The following RBFOX1 variants were observed in gnomAD, a reference collection of about 807,000 sequenced individuals.
RBFOX1 encodes the protein RNA binding protein fox-1 homolog 1.
In RBFOX1, 8 loss-of-function variants were observed where a neutral mutation model predicts 57.7. The observed-to-expected ratio is 0.14, with a 90% confidence interval of 0.08 to 0.25. The LOEUF (loss-of-function observed/expected upper bound fraction) is 0.25, where lower values mean the gene tolerates loss of function less well. RBFOX1 is among the 10% of genes least tolerant of loss of function. The pLI is 1.00. For synonymous variants in RBFOX1, 326 were observed against 222.4 expected (o/e 1.47, Z -4.15); for missense variants, 611 against 548.5 (o/e 1.11, Z -1.14).
chr16:5,814,621 C>A (rs2055556533), intron 3 of RBFOX1, among the ~76,000 whole-genome samples: 1 of 152,326 alleles, frequency 6.6e-6, no homozygotes, highest in African/African-American at 2.4e-5. Context: ...TATCCTGCCA[C>A]CTGGCCATTT....
intron 4 of RBFOX1, among the ~76,000 whole-genome samples, chr16:7,220,177 G>A (rs898572770): frequency 6.6e-6 from 1 of 152,138 alleles, no homozygotes; most frequent in Non-Finnish European, 1.5e-5. Context: ...CATGACAAAA[G>A]TGCAGGAGGA....
At chr16:6,575,890 TAAATAAAG>T (rs1292260016) in intron 2 of RBFOX1, among the ~76,000 whole-genome samples, 7 of 150,740 alleles carry the variant, frequency 4.6e-5, no homozygotes, top group South Asian at 4.2e-4. Context: ...AATAAATAAA[TAAATAAAG>T]ATTAATAAAA....
intron 3 of RBFOX1, among the ~76,000 whole-genome samples, chr16:6,968,097 G>C (rs192194741): frequency 4.6e-5 from 7 of 152,226 alleles, no homozygotes; most frequent in Non-Finnish European, 5.9e-5. Flanking sequence ...CACTGGAATG[G>C]ATCTGTGGCT....
chr16:7,313,530 G>A (rs925595742), intron 4 of RBFOX1, among the ~76,000 whole-genome samples: 1 of 148,120 alleles, frequency 6.8e-6, no homozygotes, highest in Admixed American at 6.8e-5. Flanking sequence ...CTTTCGGACA[G>A]CAGTAGGAGA....
chr16:7,338,715 T>C (rs2096839075), intron 4 of RBFOX1, among the ~76,000 whole-genome samples: 2 of 152,222 alleles, frequency 1.3e-5, no homozygotes, highest in African/African-American at 4.8e-5. Context: ...ATGCAAATTA[T>C]AGAAACATCG....
At chr16:6,156,045 G>GGA (rs2152734194) in intron 1 of RBFOX1, among the ~76,000 whole-genome samples, 1 of 152,282 alleles carries the variant, frequency 6.6e-6, no homozygotes, top group Non-Finnish European at 1.5e-5. Context: ...AGAAAAATGA[G>GGA]GAGATCTGCC....
intron 4 of RBFOX1, among the ~76,000 whole-genome samples, chr16:7,385,895 G>C (rs1478406516): frequency 1.3e-5 from 2 of 151,298 alleles, no homozygotes; most frequent in Non-Finnish European, 2.9e-5. Context: ...TGGGATTACA[G>C]GCACATGCCA....
At chr16:6,492,991 G>A (rs2095668415) in intron 2 of RBFOX1, among the ~76,000 whole-genome samples, 1 of 152,196 alleles carries the variant, frequency 6.6e-6, no homozygotes, top group Non-Finnish European at 1.5e-5. Flanking sequence ...GGGAAGAGAT[G>A]AAGCTTTTGC....
At chr16:6,061,496 G>A (rs1488170925) in intron 1 of RBFOX1, among the ~76,000 whole-genome samples, 2 of 150,820 alleles carry the variant, frequency 1.3e-5, no homozygotes, top group African/African-American at 2.4e-5. Flanking sequence ...AACATATAAT[G>A]GTAATATAGT....
At chr16:5,453,441 A>G (rs530607402) in intron 1 of RBFOX1, among the ~76,000 whole-genome samples, 5 of 152,310 alleles carry the variant, frequency 3.3e-5, no homozygotes, top group African/African-American at 9.6e-5. Flanking sequence ...ATACTGTAGA[A>G]GGATAGAGGA....
intron 4 of RBFOX1, among the ~76,000 whole-genome samples, chr16:7,074,464 G>A (rs942890881): frequency 6.6e-6 from 1 of 152,128 alleles, no homozygotes; most frequent in East Asian, 1.9e-4. Flanking sequence ...GTAAACATCA[G>A]ATTGTAAAAT....
intron 3 of RBFOX1, among the ~76,000 whole-genome samples, chr16:7,021,958 C>G (rs541427861): frequency 1.7e-5 from 2 of 118,884 alleles, no homozygotes; most frequent in South Asian, 6.2e-4. Context: ...TTTTCTTTCT[C>G]TCTCTCTCTC....
intron 4 of RBFOX1, among the ~76,000 whole-genome samples, chr16:7,507,009 G>GT (rs1350207097): frequency 1.1e-4 from 16 of 152,040 alleles, no homozygotes; most frequent in African/African-American, 3.9e-4. Context: ...CTAAAGCATC[G>GT]TAAGAGTCTC....
At chr16:6,262,275 G>A (rs1253891856) in intron 1 of RBFOX1, among the ~76,000 whole-genome samples, 1 of 152,098 alleles carries the variant, frequency 6.6e-6, no homozygotes, top group Non-Finnish European at 1.5e-5. Flanking sequence ...CTCTTTAAGG[G>A]TACTTCCTGG....
intron 4 of RBFOX1, among the ~76,000 whole-genome samples, chr16:7,230,601 T>A (rs1471239818): frequency 1.3e-5 from 2 of 152,142 alleles, no homozygotes; most frequent in Non-Finnish European, 2.9e-5. Flanking sequence ...AATCACGTGA[T>A]GGCATTGGGC....
At chr16:6,272,109 G>A (rs1311092719) in intron 1 of RBFOX1, among the ~76,000 whole-genome samples, 1 of 152,096 alleles carries the variant, frequency 6.6e-6, no homozygotes, top group Non-Finnish European at 1.5e-5. Flanking sequence ...ATCACATAGG[G>A]TTTATTTCGG....
chr16:6,119,856 T>C (rs866118262), intron 1 of RBFOX1, among the ~76,000 whole-genome samples: 1 of 152,230 alleles, frequency 6.6e-6, no homozygotes, highest in South Asian at 2.1e-4. Context: ...CGTAATGTTA[T>C]GCAACCGCTA....
At chr16:6,574,135 T>G (rs2097387115) in intron 2 of RBFOX1, among the ~76,000 whole-genome samples, 1 of 152,150 alleles carries the variant, frequency 6.6e-6, no homozygotes, top group Admixed American at 6.5e-5. Flanking sequence ...CAAGGAGATG[T>G]GGGTTTCCAT....
chr16:6,698,954 A>G (rs761773505), intron 3 of RBFOX1, among the ~76,000 whole-genome samples: 1 of 152,208 alleles, frequency 6.6e-6, no homozygotes, highest in South Asian at 2.1e-4. Flanking sequence ...AGACTCTAGA[A>G]CAAGGGGTGA....
Sources: allele counts gnomAD v4.1 joint callset (sites outside exome capture counted in the v4.1 genomes callset), GRCh38; gene constraint gnomAD v4.1.1; transcripts MANE v1.5; gene names NCBI Gene and HGNC (gene_info 2026-07-23, HGNC 2026-07-21).